STAG1: variants seen among roughly 807,000 people sequenced by gnomAD.
STAG1 encodes the protein STAG1 cohesin complex component.
STAG1 carries 26 observed loss-of-function variants against 170.9 expected under a neutral mutation model. That is an observed-to-expected ratio of 0.15 (90% CI 0.11 to 0.21). The LOEUF (loss-of-function observed/expected upper bound fraction) is 0.21, where lower values mean the gene tolerates loss of function less well. STAG1 is among the 10% of genes least tolerant of loss of function. The pLI, the probability that STAG1 is intolerant of heterozygous loss-of-function variation, is 1.00. For synonymous variants in STAG1, 514 were observed against 497.7 expected (o/e 1.03, Z -0.44); for missense variants, 964 against 1,509.5 (o/e 0.64, Z 5.99).
Position 136,338,359 on chromosome 3 carries a change from T to C in STAG1, c.3753+11A>G, listed in dbSNP as rs1204607228. The C allele has an allele frequency of 6.8e-6, 11 of 1,607,492 alleles. No individual in the cohort carries two copies. Among genetic ancestry groups the C allele is most frequent in the South Asian group, 1.1e-5 (1 of 90,866 alleles). The stretch of plus-strand genomic sequence containing the variant: ...ACCATAAATAAAAAGCAGTAATAAT[T>C]TGACATTTACTGAATCATCTTCTAT... On this transcript the variant is annotated intron_variant, in intron 33 of 33. Transcript: ENST00000383202.
At chr3:136,514,802 T>C (rs1934264051) in intron 7 of STAG1, among the ~76,000 whole-genome samples, 1 of 151,920 alleles carries the variant, frequency 6.6e-6, no homozygotes, top group African/African-American at 2.4e-5. Context: ...CTCAGCAAAC[T>C]ATCACAAGGA....
At chr3:136,612,707 C>A (rs1438230198) in intron 3 of STAG1, among the ~76,000 whole-genome samples, 1 of 152,072 alleles carries the variant, frequency 6.6e-6, no homozygotes, top group Non-Finnish European at 1.5e-5. Context: ...TCATCCATGT[C>A]TTTTAGTGGC....
intron 1 of STAG1, chr3:136,721,528 T>C (rs1933267189): frequency 6.6e-6 from 1 of 152,182 alleles, no homozygotes; most frequent in Admixed American, 6.5e-5. Context: ...AGAAATGAAA[T>C]AAATTGCTTA....
At chr3:136,430,800 TAGAC>T (rs1296547972) in intron 16 of STAG1, among the ~76,000 whole-genome samples, 31 of 97,546 alleles carry the variant, frequency 3.2e-4, no homozygotes, top group African/African-American at 8.7e-4. Context: ...GAAACAGACA[TAGAC>T]AGACACACAC....
chr3:136,359,800 C>A (rs1354252148), intron 26 of STAG1, among the ~76,000 whole-genome samples: 1 of 152,144 alleles, frequency 6.6e-6, no homozygotes, highest in East Asian at 1.9e-4. Flanking sequence ...TGAGCCACCA[C>A]ACGTGGCCAA....
At chr3:136,361,421 T>C (rs1256040169) in intron 26 of STAG1, among the ~76,000 whole-genome samples, 2 of 152,208 alleles carry the variant, frequency 1.3e-5, no homozygotes, top group Non-Finnish European at 2.9e-5. Flanking sequence ...TGCATATCCA[T>C]GTAGATACCT....
chr3:136,499,597 A>T (rs1576536115), intron 9 of STAG1, among the ~76,000 whole-genome samples: 1 of 152,192 alleles, frequency 6.6e-6, no homozygotes, highest in East Asian at 1.9e-4. Flanking sequence ...TGATTCATTC[A>T]CTCAATGTAA....
intron 1 of STAG1, among the ~76,000 whole-genome samples, chr3:136,684,485 C>T (rs965222751): frequency 6.6e-6 from 1 of 152,170 alleles, no homozygotes; most frequent in African/African-American, 2.4e-5. Flanking sequence ...TGCATTGGCT[C>T]GCGCCTGTAA....
chr3:136,732,177 T>C (rs577801986), intron 1 of STAG1, among the ~76,000 whole-genome samples: 1 of 151,858 alleles, frequency 6.6e-6, no homozygotes, highest in Non-Finnish European at 1.5e-5. Context: ...CTACACTAGT[T>C]TTTGTTCTTC....
intron 1 of STAG1, among the ~76,000 whole-genome samples, chr3:136,661,319 G>A (rs1941570685): frequency 6.6e-6 from 1 of 151,980 alleles, no homozygotes. Flanking sequence ...CTTTATAAAG[G>A]TTGAACATTC....
chr3:136,705,805 A>C lies in STAG1; in HGVS notation c.-84+46390T>G, dbSNP rs192080468. On this transcript the variant is annotated intron_variant, in intron 1 of 33. Transcript: ENST00000383202. ...ACCCAGTCTCAGGTTTGTCTTTATT[A>C]GCAGTGTGAGAATGAACTAATACAA... Among the ~76,000 whole-genome samples the C allele has an allele frequency of 3.3e-5, 5 of 152,296 alleles. No homozygotes were observed. In the East Asian group the frequency reaches 9.6e-4, roughly 29 times the overall value.
intron 6 of STAG1, among the ~76,000 whole-genome samples, chr3:136,525,467 C>CT (rs1460921086): frequency 6.6e-6 from 1 of 151,954 alleles, no homozygotes; most frequent in Non-Finnish European, 1.5e-5. Context: ...TTTATTGCGT[C>CT]TATTTGAGTC....
At chr3:136,493,810 A>G (rs528126611) in intron 9 of STAG1, among the ~76,000 whole-genome samples, 1 of 152,308 alleles carries the variant, frequency 6.6e-6, no homozygotes, top group Non-Finnish European at 1.5e-5. Context: ...ACAAAAGAGA[A>G]GACACAAATC....
intron 6 of STAG1, among the ~76,000 whole-genome samples, chr3:136,531,797 T>C (rs577794341): frequency 3.4e-4 from 51 of 150,388 alleles, no homozygotes; most frequent in Middle Eastern, 3.4e-3. Context: ...CATCGGGAGA[T>C]ATACCTAATG....
chr3:136,374,489 C>T (rs550270237), intron 23 of STAG1, among the ~76,000 whole-genome samples: 8 of 151,972 alleles, frequency 5.3e-5, no homozygotes, highest in South Asian at 4.2e-4. Context: ...TGGTGGTGCA[C>T]GCCTGTAATT....
At chr3:136,667,572 C>T (rs1446682513) in intron 1 of STAG1, among the ~76,000 whole-genome samples, 1 of 152,158 alleles carries the variant, frequency 6.6e-6, no homozygotes, top group Non-Finnish European at 1.5e-5. Flanking sequence ...TCTTGGCTCA[C>T]TGCAACCTCC....
chr3:136,642,277 T>C (rs996154746), intron 1 of STAG1, among the ~76,000 whole-genome samples: 13 of 141,906 alleles, frequency 9.2e-5, no homozygotes, highest in South Asian at 4.8e-4. Context: ...TTTTTTTTTT[T>C]TTTTTTTTTT....
At chr3:136,420,244 CAAAAAA>C (rs71157379) in intron 20 of STAG1, among the ~76,000 whole-genome samples, 88 of 36,936 alleles carry the variant, frequency 2.4e-3, no homozygotes, top group African/African-American at 9.2e-3. Flanking sequence ...GAGACTCTGT[CAAAAAA>C]AAAAAAAAAA....
intron 23 of STAG1, among the ~76,000 whole-genome samples, chr3:136,377,323 C>A (rs1937654053): frequency 8.0e-6 from 1 of 125,422 alleles, no homozygotes; most frequent in African/African-American, 3.0e-5. Flanking sequence ...GGAGGCGGAG[C>A]TTGCAGTGAG....
Sources: allele counts gnomAD v4.1 joint callset (sites outside exome capture counted in the v4.1 genomes callset), GRCh38; gene constraint gnomAD v4.1.1; transcripts MANE v1.5; gene names NCBI Gene and HGNC (gene_info 2026-07-23, HGNC 2026-07-21).